The following FAM13A variants were observed in gnomAD, a reference collection of about 807,000 sequenced individuals.
FAM13A encodes the protein protein FAM13A.
Under a neutral mutation model 129.6 loss-of-function variants are expected in FAM13A, and 76 were observed. The ratio of observed to expected loss-of-function variants is 0.59; its 90% confidence interval spans 0.49 to 0.71. The LOEUF (loss-of-function observed/expected upper bound fraction) is 0.71, where lower values mean the gene tolerates loss of function less well. FAM13A is among the 30% of genes least tolerant of loss of function. The probability of loss-of-function intolerance (pLI) is 0.00; values close to 1 mark genes in which losing one functional copy is unlikely to be tolerated. For missense variants in FAM13A, 1,108 were observed against 1,249.3 expected, an observed-to-expected ratio of 0.89 and a Z score of 1.70; for synonymous variants, 443 against 449.9, an observed-to-expected ratio of 0.98 and a Z score of 0.20.
At chr4:88,757,483 AAACT>A (rs1560908706) in intron 14 of FAM13A, among the ~76,000 whole-genome samples, 1 of 152,166 alleles carries the variant, frequency 6.6e-6, no homozygotes, top group Non-Finnish European at 1.5e-5. Flanking sequence ...TATGAATTAA[AAACT>A]AACATGATTA....
intron 4 of FAM13A, among the ~76,000 whole-genome samples, chr4:88,986,335 T>G (rs929532661): frequency 6.6e-6 from 1 of 152,202 alleles, no homozygotes; most frequent in African/African-American, 2.4e-5. Flanking sequence ...GGTTTCACCA[T>G]GTTGGCCAGG....
chr4:88,975,655 T>C (rs1760797730), intron 4 of FAM13A, among the ~76,000 whole-genome samples: 1 of 152,230 alleles, frequency 6.6e-6, no homozygotes, highest in African/African-American at 2.4e-5. Flanking sequence ...AAACAAAGAA[T>C]TGCCAAAATC....
chr4:88,935,983 A>G (rs954643019), intron 5 of FAM13A, among the ~76,000 whole-genome samples: 2 of 152,218 alleles, frequency 1.3e-5, no homozygotes, highest in African/African-American at 4.8e-5. Context: ...GAGAATATAA[A>G]TGTAGTTTCT....
At chr4:88,784,785 T>C (rs1723648914) in intron 10 of FAM13A, among the ~76,000 whole-genome samples, 2 of 152,182 alleles carry the variant, frequency 1.3e-5, no homozygotes, top group Non-Finnish European at 2.9e-5. Context: ...TATACAGAAG[T>C]AGAGACACTA....
At chr4:88,941,428 A>G (rs1172066672) in intron 4 of FAM13A, among the ~76,000 whole-genome samples, 1 of 152,174 alleles carries the variant, frequency 6.6e-6, no homozygotes, top group East Asian at 1.9e-4. Context: ...CTGCTTTCTT[A>G]AGGCCTTTTT....
rs776985990 is a variant in FAM13A at position 89,029,555 on chromosome 4, A to G, written c.122T>C (p.Phe41Ser). The change falls in exon 2 of 24, where the codon TTT becomes TCT. Residue 41 changes from phenylalanine to serine, a missense_variant. Coordinates refer to ENST00000264344, the MANE Select transcript of FAM13A (RefSeq NM_014883.4). ...TTCAAGTTCTTGGAGACTGACTCCA[A>G]ATAACTTCTGATAGGTAAAATCCTT... Reference protein sequence around the residue: ...EQKDFTYQKLFGVSLQELERQ... With the variant: ...EQKDFTYQKLSGVSLQELERQ... The G allele has an allele frequency of 1.6e-5, 26 of 1,595,996 alleles. No homozygotes were observed. The highest frequency in any genetic ancestry group is 2.0e-5 in the Non-Finnish European group (23 of 1,174,968).
At chr4:88,840,763 T>C (rs900112220) in intron 7 of FAM13A, among the ~76,000 whole-genome samples, 2 of 152,116 alleles carry the variant, frequency 1.3e-5, no homozygotes, top group African/African-American at 4.8e-5. Context: ...CTCTATTGAA[T>C]TGAAAGTTAA....
chr4:88,969,780 G>A (rs542147850), intron 4 of FAM13A, among the ~76,000 whole-genome samples: 7 of 152,306 alleles, frequency 4.6e-5, no homozygotes, highest in African/African-American at 1.7e-4. Flanking sequence ...TTACAGAGGA[G>A]GAAACAAACT....
At chr4:89,008,552 G>C (rs998457946) in intron 3 of FAM13A, among the ~76,000 whole-genome samples, 6 of 152,236 alleles carry the variant, frequency 3.9e-5, no homozygotes, top group African/African-American at 1.4e-4. Flanking sequence ...TTCTGTTATG[G>C]TGGCCCTAGC....
At chr4:88,773,671 T>A (rs1457809983) in intron 11 of FAM13A, among the ~76,000 whole-genome samples, 1 of 152,132 alleles carries the variant, frequency 6.6e-6, no homozygotes, top group African/African-American at 2.4e-5. Context: ...TCCTTTGGTG[T>A]CAGCTTATCC....
intron 6 of FAM13A, among the ~76,000 whole-genome samples, chr4:88,865,247 C>T (rs1276299139): frequency 1.3e-5 from 2 of 152,188 alleles, no homozygotes; most frequent in African/African-American, 4.8e-5. Context: ...AAAAGTGACT[C>T]ATTAGATGGA....
At chr4:88,954,652 A>G (rs1421237101) in intron 4 of FAM13A, among the ~76,000 whole-genome samples, 1 of 152,178 alleles carries the variant, frequency 6.6e-6, no homozygotes, top group Non-Finnish European at 1.5e-5. Flanking sequence ...GGGAGGCCCA[A>G]GGTGGGCAGA....
intron 6 of FAM13A, among the ~76,000 whole-genome samples, chr4:88,882,303 C>CTCTA (rs1743713939): frequency 6.6e-6 from 1 of 152,108 alleles, no homozygotes; most frequent in African/African-American, 2.4e-5. Context: ...TCCCTACAAG[C>CTCTA]TAGAAGGGAT....
intron 7 of FAM13A, among the ~76,000 whole-genome samples, chr4:88,810,302 G>T (rs1729426041): frequency 6.6e-6 from 1 of 152,052 alleles, no homozygotes; most frequent in Non-Finnish European, 1.5e-5. Flanking sequence ...GCTGAATTAT[G>T]TCACCCCAAA....
chr4:88,803,079 G>A (rs1460271599), intron 8 of FAM13A, among the ~76,000 whole-genome samples: 1 of 152,072 alleles, frequency 6.6e-6, no homozygotes. Context: ...AGCCCTATCC[G>A]CTCCATGGCT....
intron 5 of FAM13A, among the ~76,000 whole-genome samples, chr4:88,920,331 C>T (rs1275114594): frequency 2.0e-5 from 3 of 152,096 alleles, no homozygotes; most frequent in Admixed American, 6.5e-5. Flanking sequence ...CTCACACGGC[C>T]GGGTACTCCT....
intron 7 of FAM13A, among the ~76,000 whole-genome samples, chr4:88,817,443 C>T (rs912692007): frequency 6.6e-6 from 1 of 151,796 alleles, no homozygotes; most frequent in Non-Finnish European, 1.5e-5. Context: ...CATGCCTGTA[C>T]TCCCAGCTAC....
intron 1 of FAM13A, among the ~76,000 whole-genome samples, chr4:89,036,052 C>A (rs1181886803): frequency 1.3e-5 from 2 of 152,112 alleles, no homozygotes; most frequent in African/African-American, 4.8e-5. Context: ...TATAAAGATA[C>A]CTCAAAATGT....
chr4:88,988,854 A>G (rs534621159), intron 4 of FAM13A, among the ~76,000 whole-genome samples: 1 of 152,340 alleles, frequency 6.6e-6, no homozygotes, highest in African/African-American at 2.4e-5. Context: ...AAGAGAAAGA[A>G]GATGTAGCAA....
Sources: allele counts gnomAD v4.1 joint callset (sites outside exome capture counted in the v4.1 genomes callset), GRCh38; gene constraint gnomAD v4.1.1; transcripts MANE v1.5; gene names NCBI Gene and HGNC (gene_info 2026-07-23, HGNC 2026-07-21).